APP: variants seen among roughly 807,000 people sequenced by gnomAD.
APP encodes the protein amyloid beta precursor protein, also known as amyloid-beta precursor protein.
APP carries 31 observed loss-of-function variants against 101.4 expected under a neutral mutation model. The ratio of observed to expected loss-of-function variants is 0.31; its 90% CI spans 0.23 to 0.41. The LOEUF (loss-of-function observed/expected upper bound fraction) is 0.41, where lower values mean the gene tolerates loss of function less well. APP is among the 10% of genes least tolerant of loss of function. APP has a pLI of 1.00. For synonymous variants in APP, 366 were observed against 364.4 expected, an observed-to-expected ratio of 1.00 and a Z score of -0.05; for missense variants, 839 against 1,003.7, an observed-to-expected ratio of 0.84 and a Z score of 2.22.
intron 13 of APP, among the ~76,000 whole-genome samples, chr21:25,926,383 G>A (rs2039898178): frequency 6.6e-6 from 1 of 152,204 alleles, no homozygotes; most frequent in Non-Finnish European, 1.5e-5. Flanking sequence ...AGATCTTTAA[G>A]GACGGTAGGG....
chr21:25,888,434 G>A (rs2037480661), intron 17 of APP, among the ~76,000 whole-genome samples: 1 of 152,150 alleles, frequency 6.6e-6, no homozygotes, highest in Non-Finnish European at 1.5e-5. Flanking sequence ...ACAGAAAAGC[G>A]GAATGTGGTC....
intron 1 of APP, among the ~76,000 whole-genome samples, chr21:26,139,586 G>C (rs1052671222): frequency 6.6e-6 from 1 of 152,122 alleles, no homozygotes; most frequent in Non-Finnish European, 1.5e-5. Context: ...AACATTCTAT[G>C]AGAAACATCT....
At chr21:26,123,858 A>G (rs2062627276) in intron 1 of APP, among the ~76,000 whole-genome samples, 1 of 152,180 alleles carries the variant, frequency 6.6e-6, no homozygotes, top group Non-Finnish European at 1.5e-5. Context: ...AAATATGCAG[A>G]CGCCAATATT....
chr21:26,076,713 T>A (rs371819901), intron 3 of APP, among the ~76,000 whole-genome samples: 1 of 152,366 alleles, frequency 6.6e-6, no homozygotes, highest in Non-Finnish European at 1.5e-5. Context: ...TTTAGCTTTA[T>A]CTAATTCAAA....
At chr21:26,124,370 C>T (rs551330665) in intron 1 of APP, among the ~76,000 whole-genome samples, 109 of 152,300 alleles carry the variant, frequency 7.2e-4, no homozygotes, top group Non-Finnish European at 1.1e-3. Flanking sequence ...TCCTAGAAAA[C>T]AAGAAGGCTT....
intron 5 of APP, among the ~76,000 whole-genome samples, chr21:26,025,044 C>T (rs2044507369): frequency 6.6e-6 from 1 of 152,160 alleles, no homozygotes; most frequent in South Asian, 2.1e-4. Flanking sequence ...ACAGAAAACA[C>T]TGGCACTGAA....
rs1322276212 is a variant in APP at position 26,064,181 on chromosome 21, C to G, written c.356-10833G>C. On this transcript the variant is annotated intron_variant, in intron 3 of 17. Transcript: ENST00000346798. Reference sequence around the variant, plus strand: ...CTGACAATTAAATATAATGCGCCTTCCTGGATGGCATCCTGGAACACAGAA... The same window carrying G: ...CTGACAATTAAATATAATGCGCCTTGCTGGATGGCATCCTGGAACACAGAA... Among the ~76,000 whole-genome samples the G allele has an allele frequency of 3.3e-5, 5 of 152,126 alleles. No individual in the cohort carries two copies. In the East Asian group the frequency reaches 9.6e-4, roughly 29 times the overall value.
intron 1 of APP, among the ~76,000 whole-genome samples, chr21:26,137,219 C>A (rs572020851): frequency 2.0e-5 from 3 of 152,170 alleles, no homozygotes; most frequent in Non-Finnish European, 2.9e-5. Flanking sequence ...TGAGCCACTG[C>A]GCCTGGCCCT....
chr21:26,065,043 G>A (rs1351303424), intron 3 of APP, among the ~76,000 whole-genome samples: 7 of 152,208 alleles, frequency 4.6e-5, no homozygotes, highest in South Asian at 4.2e-4. Flanking sequence ...TAGTAGAGAC[G>A]GGGTTTTGCC....
intron 5 of APP, among the ~76,000 whole-genome samples, chr21:26,045,074 TC>T (rs2045549124): frequency 6.6e-6 from 1 of 152,100 alleles, no homozygotes; most frequent in Non-Finnish European, 1.5e-5. Flanking sequence ...CAGGAATCTC[TC>T]TAAGGTGATT....
intron 1 of APP, among the ~76,000 whole-genome samples, chr21:26,164,690 C>A (rs574563513): frequency 1.3e-5 from 2 of 151,936 alleles, no homozygotes; most frequent in Non-Finnish European, 2.9e-5. Flanking sequence ...CCCATCTCTA[C>A]TTAAAAAATA....
intron 15 of APP, among the ~76,000 whole-genome samples, chr21:25,900,620 G>T (rs972571553): frequency 6.6e-6 from 1 of 152,022 alleles, no homozygotes; most frequent in Non-Finnish European, 1.5e-5. Context: ...ATATTTCTGA[G>T]ATTTTTAAGA....
intron 9 of APP, 118 bp downstream of exon 9, chr21:25,982,226 A>T: frequency 1.7e-6 from 2 of 1,179,408 alleles, no homozygotes; most frequent in Non-Finnish European, 2.5e-6. Flanking sequence ...ATTTAAAATT[A>T]GAACTTTACA....
At chr21:26,040,498 A>G (rs2045324439) in intron 5 of APP, among the ~76,000 whole-genome samples, 1 of 151,734 alleles carries the variant, frequency 6.6e-6, no homozygotes, top group Admixed American at 6.6e-5. Context: ...GCGACTCGGG[A>G]GGCTAAGGCA....
Position 25,961,823 on chromosome 21 carries a change from G to C in APP, c.1459-6068C>G, listed in dbSNP as rs369323682. Among the ~76,000 whole-genome samples, 13 of 152,138 alleles carry C rather than the reference G, an allele frequency of 8.5e-5. No homozygotes were observed. The East Asian group carries it at 2.5e-3, about 29-fold the overall frequency. On this transcript the variant is annotated intron_variant, in intron 11 of 17. Coordinates refer to ENST00000346798, the MANE Select transcript of APP (RefSeq NM_000484.4). ...CTATTGTCACAATATTCATACTTAA[G>C]ACGGGTTATTCATATGATCAGAAAA...
intron 1 of APP, among the ~76,000 whole-genome samples, chr21:26,154,967 T>C (rs777819231): frequency 6.6e-6 from 1 of 152,194 alleles, no homozygotes; most frequent in Non-Finnish European, 1.5e-5. Context: ...ATGTGAAATA[T>C]GTAATCAGGT....
intron 17 of APP, among the ~76,000 whole-genome samples, chr21:25,883,700 G>A (rs912684183): frequency 2.0e-5 from 3 of 152,130 alleles, no homozygotes; most frequent in African/African-American, 7.2e-5. Context: ...CTCAAAAAAA[G>A]TAAATAAATA....
At chr21:25,971,374 A>G (rs2146555980) in intron 11 of APP, among the ~76,000 whole-genome samples, 1 of 152,346 alleles carries the variant, frequency 6.6e-6, no homozygotes, top group South Asian at 2.1e-4. Context: ...GACATTAGAC[A>G]TCAGGTGAAG....
intron 8 of APP, among the ~76,000 whole-genome samples, chr21:25,987,046 T>A (rs761065838): frequency 6.6e-6 from 1 of 152,242 alleles, no homozygotes; most frequent in Admixed American, 6.5e-5. Context: ...GCTGGGGCAC[T>A]GTAAAGGGTT....
Sources: allele counts gnomAD v4.1 joint callset (sites outside exome capture counted in the v4.1 genomes callset), GRCh38; gene constraint gnomAD v4.1.1; transcripts MANE v1.5; gene names NCBI Gene and HGNC (gene_info 2026-07-23, HGNC 2026-07-21).